The following CSNK1G2 variants were observed in gnomAD, a reference collection of about 807,000 sequenced individuals.
CSNK1G2 encodes casein kinase 1 gamma 2, also known as casein kinase I isoform gamma-2.
Under a neutral mutation model 48.0 loss-of-function variants are expected in CSNK1G2, and 11 were observed. The ratio of observed to expected loss-of-function variants is 0.23; its 90% CI spans 0.14 to 0.38. The LOEUF (loss-of-function observed/expected upper bound fraction) is 0.38, where lower values mean the gene tolerates loss of function less well. Among genes scored for constraint, CSNK1G2 ranks in the 10% least tolerant of loss-of-function variants. The pLI is 1.00. For synonymous variants in CSNK1G2, 337 were observed against 254.1 expected (o/e 1.33, Z -3.10); for missense variants, 446 against 595.5 (o/e 0.75, Z 2.61).
chr19:1,971,524 C>T (rs1483292438), intron 2 of CSNK1G2, among the ~76,000 whole-genome samples: 2 of 152,258 alleles, frequency 1.3e-5, no homozygotes, highest in Non-Finnish European at 2.9e-5. Context: ...CACGTGCCCA[C>T]AAATGCACAT....
chr19:1,965,951 C>T (rs935098253), intron 1 of CSNK1G2, among the ~76,000 whole-genome samples: 1 of 152,196 alleles, frequency 6.6e-6, no homozygotes, highest in Admixed American at 6.6e-5. Context: ...TGCGCACCGC[C>T]ATGACTGGCT....
At chr19:1,944,431 G>A (rs1428377729) in intron 1 of CSNK1G2, among the ~76,000 whole-genome samples, 1 of 152,178 alleles carries the variant, frequency 6.6e-6, no homozygotes, top group Admixed American at 6.5e-5. Flanking sequence ...TGAGGAAGTC[G>A]AGGCCTACCT....
chr19:1,949,149 C>T (rs2014676003), intron 1 of CSNK1G2, among the ~76,000 whole-genome samples: 1 of 152,192 alleles, frequency 6.6e-6, no homozygotes, highest in African/African-American at 2.4e-5. Flanking sequence ...GTGGTCAAGG[C>T]TCCTCTGTGA....
chr19:1,972,643 A>G lies in CSNK1G2; in HGVS notation c.187+2684A>G, dbSNP rs980133471. On this transcript the variant is annotated intron_variant, in intron 2 of 11. Transcript: ENST00000255641. Reference sequence around the variant, plus strand: ...TGCTTTGTTTTGTTTTGTTTTTGAGATGGAGTTTCACTCTTGTTGCCCAGC... The same window carrying G: ...TGCTTTGTTTTGTTTTGTTTTTGAGGTGGAGTTTCACTCTTGTTGCCCAGC... 4.6e-5 allele frequency among the ~76,000 whole-genome samples: 7 copies of G among 152,050 alleles called. No homozygotes were observed. The East Asian group carries it at 9.6e-4, about 21-fold the overall frequency.
At chr19:1,977,684 C>A (rs1429176014) in intron 2 of CSNK1G2, among the ~76,000 whole-genome samples, 1 of 137,786 alleles carries the variant, frequency 7.3e-6, no homozygotes, top group Non-Finnish European at 1.5e-5. Flanking sequence ...GCCTGGGAGA[C>A]AAAGGCTGCA....
intron 1 of CSNK1G2, among the ~76,000 whole-genome samples, chr19:1,966,231 G>T (rs957136509): frequency 6.6e-6 from 1 of 152,244 alleles, no homozygotes; most frequent in Non-Finnish European, 1.5e-5. Flanking sequence ...CGTTCTAGAG[G>T]CTGTGAAGGA....
rs114812448 is a variant in CSNK1G2 at position 1,957,063 on chromosome 19, C to T, written c.-265-12445C>T. On this transcript the variant is annotated intron_variant, in intron 1 of 11. Transcript: ENST00000255641. The surrounding 1 kb of genome is among the most constrained non-coding windows in gnomAD (Gnocchi z 5.4). The stretch of plus-strand genomic sequence containing the variant: ...CTTCGACGGTCGTGCCCTGATGCTG[C>T]GTGGCTTAAACGGTGCCACCCGGAG... Among the ~76,000 whole-genome samples, 1,767 of 152,244 alleles carry T rather than the reference C, an allele frequency of 0.012. 30 individuals are homozygous for T. The highest frequency in any genetic ancestry group is 0.041 in the African/African-American group (1,697 of 41,548).
rs529074235 is a variant in CSNK1G2, at chr19:1,970,918, A to AG, written c.187+960dup. ...CCCATGGCACCCATGGCAGGCACTCAGCCCGATGAGGTTGTCAGATGAGGG... is the reference window on the plus strand; with the variant it reads ...CCCATGGCACCCATGGCAGGCACTCAGGCCCGATGAGGTTGTCAGATGAGGG... On this transcript the variant is annotated intron_variant, in intron 2 of 11. Transcript: ENST00000255641. Among the ~76,000 whole-genome samples the AG allele has an allele frequency of 8.4e-4, 128 of 152,284 alleles. 1 individual carries two copies. Among genetic ancestry groups the AG allele is most frequent in the Middle Eastern group, 6.8e-3 (2 of 294 alleles).
chr19:1,948,497 G>A (rs567407322), intron 1 of CSNK1G2, among the ~76,000 whole-genome samples: 37 of 149,346 alleles, frequency 2.5e-4, no homozygotes, highest in Non-Finnish European at 5.0e-4. Flanking sequence ...CACTCCATGT[G>A]GGCGACAGAG....
At chr19:1,966,671 A>G (rs940803619) in intron 1 of CSNK1G2, among the ~76,000 whole-genome samples, 1 of 152,112 alleles carries the variant, frequency 6.6e-6, no homozygotes, top group Admixed American at 6.6e-5. Context: ...CCCACAGAGA[A>G]ATCTTTCATG....
chr19:1,974,979 G>C, intron 2 of CSNK1G2: 2 of 810,754 alleles, frequency 2.5e-6, no homozygotes, highest in Non-Finnish European at 3.0e-6. Flanking sequence ...AGCCCAGAGC[G>C]CCCGACCTCC....
intron 1 of CSNK1G2, chr19:1,953,095 C>A (rs2014837850): frequency 2.5e-6 from 1 of 401,396 alleles, no homozygotes; most frequent in Non-Finnish European, 4.8e-6. Context: ...CTGGAAGGAC[C>A]CGTGTCCTCT....
At chr19:1,977,626 A>G (rs2015803925) in intron 2 of CSNK1G2, among the ~76,000 whole-genome samples, 1 of 151,784 alleles carries the variant, frequency 6.6e-6, no homozygotes, top group Non-Finnish European at 1.5e-5. Context: ...GGTGGTGCGC[A>G]CCTGTAGTCC....
chr19:1,957,707 G>T lies in CSNK1G2; in HGVS notation c.-265-11801G>T, dbSNP rs1193185794. Among the ~76,000 whole-genome samples the T allele has an allele frequency of 1.3e-5, 2 of 152,136 alleles. No homozygotes were observed. The highest frequency in any genetic ancestry group is 4.8e-5 in the African/African-American group (2 of 41,416). ...TGACTGCAGACGTGGGCACAGAGGG[G>T]CCTCTGAGGGCGTCTGGCGGCATTT... On this transcript the variant is annotated intron_variant, in intron 1 of 11. Coordinates refer to ENST00000255641, the MANE Select transcript of CSNK1G2 (RefSeq NM_001319.7). The surrounding 1 kb of genome is among the most constrained non-coding windows in gnomAD (Gnocchi z 5.4).
intron 2 of CSNK1G2, among the ~76,000 whole-genome samples, chr19:1,970,580 G>A (rs1177888364): frequency 1.3e-5 from 2 of 152,210 alleles, no homozygotes; most frequent in African/African-American, 4.8e-5. Flanking sequence ...CCTGGGGTGG[G>A]GGTGCCTGAA....
chr19:1,978,458 G>T lies in CSNK1G2; in HGVS notation c.245G>T (p.Arg82Leu), dbSNP rs1258908890. 1 of 1,607,438 alleles carries T rather than the reference G, an allele frequency of 6.2e-7. No individual in the cohort carries two copies. The highest frequency in any genetic ancestry group is 1.3e-5 in the African/African-American group (1 of 74,784). Residue 82 changes from arginine to leucine, a missense_variant, in exon 4 of 12, where the codon CGG (arginine) becomes CTG (leucine). By Grantham distance (102) the Arg-to-Leu change is moderately radical. Coordinates refer to ENST00000255641, the MANE Select transcript of CSNK1G2 (RefSeq NM_001319.7). This position sits in a 1 kb window ranked among gnomAD's most constrained non-coding sequence, Gnocchi z 7.3. ...VAIKLEPIKS[R>L]APQLHLEYRF... ...TGCCCCCAGGAGCCGATCAAGTCCC[G>T]GGCCCCGCAGCTGCACCTGGAGTAC... is the stretch of plus-strand genomic sequence containing the variant.
intron 1 of CSNK1G2, among the ~76,000 whole-genome samples, chr19:1,948,655 C>T (rs868028705): frequency 3.3e-5 from 5 of 152,066 alleles, no homozygotes; most frequent in South Asian, 2.1e-4. Context: ...ACATAATCCA[C>T]GTTTGGTAAA....
chr19:1,975,173 C>T, intron 2 of CSNK1G2: 1 of 985,490 alleles, frequency 1.0e-6, no homozygotes, highest in Non-Finnish European at 1.2e-6. Context: ...CAAAGGCCCG[C>T]CCATCAAGAC....
rs2015045577 is a variant in CSNK1G2 at position 1,957,699 on chromosome 19, A to G, written c.-265-11809A>G. On this transcript the variant is annotated intron_variant, in intron 1 of 11. Transcript: ENST00000255641. The surrounding 1 kb of genome is among the most constrained non-coding windows in gnomAD (Gnocchi z 5.4). ...ACCCCGGGTGACTGCAGACGTGGGC[A>G]CAGAGGGGCCTCTGAGGGCGTCTGG... Among the ~76,000 whole-genome samples, 1 of 151,990 alleles carries G rather than the reference A, an allele frequency of 6.6e-6. No individual in the cohort carries two copies. The highest frequency in any genetic ancestry group is 1.5e-5 in the Non-Finnish European group (1 of 68,006).
Sources: allele counts gnomAD v4.1 joint callset (sites outside exome capture counted in the v4.1 genomes callset), GRCh38; gene constraint gnomAD v4.1.1; non-coding constraint Gnocchi (gnomAD v3.1); transcripts MANE v1.5; gene names NCBI Gene and HGNC (gene_info 2026-07-23, HGNC 2026-07-21).